Variants in ACTG2 observed in about 807,000 individuals in gnomAD.
ACTG2 encodes the protein actin gamma 2, smooth muscle, also known as actin, gamma-enteric smooth muscle.
A neutral mutation model predicts 37.6 loss-of-function variants in ACTG2; 16 were observed. That is an observed-to-expected ratio of 0.43 (90% CI 0.29 to 0.65). The LOEUF (loss-of-function observed/expected upper bound fraction) is 0.65, where lower values mean the gene tolerates loss of function less well. Ranked by LOEUF, ACTG2 falls within the 30% of genes least tolerant of loss-of-function variation. ACTG2 has a pLI of 0.18. For synonymous variants in ACTG2, 181 were observed against 179.9 expected, an observed-to-expected ratio of 1.01 and a Z score of -0.05; for missense variants, 238 against 490.9, an observed-to-expected ratio of 0.48 and a Z score of 4.87.
chr2:73,902,834 T>G, intron 3 of ACTG2: 1 of 1,445,786 alleles, frequency 6.9e-7, no homozygotes, highest in Non-Finnish European at 9.3e-7. Context: ...AGGGGGTTCC[T>G]AACTCCCCGT....
chr2:73,898,802 CTT>C (rs1165118275), intron 1 of ACTG2, among the ~76,000 whole-genome samples: 1 of 93,008 alleles, frequency 1.1e-5, no homozygotes, highest in Admixed American at 1.0e-4. Context: ...TTTTTTTTTT[CTT>C]TTTTTTTTTT....
At position 73,919,621 on chromosome 2, in the gene ACTG2, C is replaced by A; in HGVS notation, c.*46C>A. ...GGATCCCCTCGAGACTACTCTGTTA[C>A]CAGTCATGAAACATTAAAACCTACA... On this transcript the variant is annotated 3_prime_UTR_variant, in exon 9 of 9. Coordinates refer to ENST00000345517, the MANE Select transcript of ACTG2 (RefSeq NM_001615.4). 6.3e-7 allele frequency: 1 copy of A among 1,592,276 alleles called. No homozygotes were observed. The highest frequency in any genetic ancestry group is 1.1e-5 in the South Asian group (1 of 88,332).
intron 1 of ACTG2, among the ~76,000 whole-genome samples, chr2:73,897,688 A>C (rs539436892): frequency 6.6e-6 from 1 of 152,336 alleles, no homozygotes; most frequent in East Asian, 1.9e-4. Context: ...AGACTGGGTT[A>C]TTTATAAACA....
chr2:73,904,777 G>GTATATATATATATATA (rs199782884), intron 3 of ACTG2, among the ~76,000 whole-genome samples: 5 of 42,634 alleles, frequency 1.2e-4, no homozygotes, highest in South Asian at 1.0e-3. Context: ...GTGTGTGTGT[G>GTATATATATATATATA]TATATATATA....
At chr2:73,918,575 C>T (rs1680319046) in intron 8 of ACTG2, among the ~76,000 whole-genome samples, 1 of 152,184 alleles carries the variant, frequency 6.6e-6, no homozygotes, top group Non-Finnish European at 1.5e-5. Context: ...TTAGACCCTT[C>T]CAAAACTGGA....
chr2:73,906,359 G>A (rs1028533722), intron 3 of ACTG2, among the ~76,000 whole-genome samples: 31 of 152,208 alleles, frequency 2.0e-4, no homozygotes, highest in African/African-American at 7.5e-4. Context: ...GCTGACGCAG[G>A]AGAATGCCGT....
intron 3 of ACTG2, among the ~76,000 whole-genome samples, chr2:73,907,409 A>T (rs900818003): frequency 4.0e-5 from 6 of 151,750 alleles, no homozygotes; most frequent in Admixed American, 3.3e-4. Flanking sequence ...CCTCTGAAAG[A>T]CTCCTTTTTG....
At chr2:73,896,361 A>T (rs1018615731) in intron 1 of ACTG2, among the ~76,000 whole-genome samples, 1 of 152,038 alleles carries the variant, frequency 6.6e-6, no homozygotes, top group African/African-American at 2.4e-5. Context: ...AAAAAAAAAA[A>T]AAAAGAAAAA....
At position 73,919,662 on chromosome 2, in the gene ACTG2, T is replaced by C. The variant is rs1680338696; in HGVS notation, c.*87T>C. On this transcript the variant is annotated 3_prime_UTR_variant, in exon 9 of 9. Coordinates refer to ENST00000345517, the MANE Select transcript of ACTG2 (RefSeq NM_001615.4). The stretch of plus-strand genomic sequence containing the variant: ...AAAACCTACAAGCCTTACTTCTCTG[T>C]GTGGGGCTCTTTTTTCCTGGGCTAT... The C allele has an allele frequency of 6.8e-7, 1 of 1,461,152 alleles. No homozygotes were observed. Among genetic ancestry groups the C allele is most frequent in the African/African-American group, 1.4e-5 (1 of 70,766 alleles). The allele number at this position is 1,461,152 out of a possible 1,614,324, so 90.5% of individuals were successfully genotyped here. A position where few individuals can be genotyped will look rare whatever the true frequency, so the allele number is the denominator to read the frequency against.
intron 1 of ACTG2, among the ~76,000 whole-genome samples, chr2:73,893,337 A>G (rs1279590087): frequency 1.3e-5 from 2 of 151,376 alleles, no homozygotes; most frequent in African/African-American, 4.9e-5. Flanking sequence ...CCTGCTCCCC[A>G]GGGCCAGTGC....
chr2:73,916,705 C>A lies in ACTG2; in HGVS notation c.927C>A (p.Gly309=), dbSNP rs550983677. ...VLSGGTTMYP[G]IADRMQKEIT... is the part of the protein sequence containing the mutation. ...CTGGGGGCACCACCATGTACCCTGG[C>A]ATTGCTGACAGGATGCAGAAGGAGA... Residue 309 remains glycine, a synonymous_variant, in exon 8 of 9, where the codon GGC becomes GGA. Coordinates refer to ENST00000345517, the MANE Select transcript of ACTG2 (RefSeq NM_001615.4). 6.2e-7 allele frequency: 1 copy of A among 1,614,154 alleles called. No homozygotes were observed. Among genetic ancestry groups the A allele is most frequent in the South Asian group, 1.1e-5 (1 of 91,076 alleles).
chr2:73,907,419 G>T (rs1335121934), intron 3 of ACTG2, among the ~76,000 whole-genome samples: 1 of 152,094 alleles, frequency 6.6e-6, no homozygotes, highest in African/African-American at 2.4e-5. Context: ...ACTCCTTTTT[G>T]GTCGTACTTG....
chr2:73,914,918 G>T (rs371545585), intron 7 of ACTG2, 47 bp downstream of exon 7: 46 of 1,450,000 alleles, frequency 3.2e-5, no homozygotes, highest in Non-Finnish European at 4.0e-5. Flanking sequence ...GGGGAGGGTG[G>T]AGGAGTGGGT....
At chr2:73,913,688 A>T in intron 6 of ACTG2, 42 bp downstream of exon 6, 1 of 1,555,080 alleles carries the variant, frequency 6.4e-7, no homozygotes, top group Non-Finnish European at 8.8e-7. Context: ...GCTCAGAACC[A>T]ATCTGGTTTA....
chr2:73,902,738 C>G (rs772407613), intron 3 of ACTG2: 3 of 1,551,032 alleles, frequency 1.9e-6, no homozygotes, highest in Non-Finnish European at 2.6e-6. Context: ...ATTCTCTACA[C>G]TGCTGCAAAA....
At chr2:73,906,354 C>G (rs1408285130) in intron 3 of ACTG2, among the ~76,000 whole-genome samples, 1 of 151,780 alleles carries the variant, frequency 6.6e-6, no homozygotes, top group Admixed American at 6.6e-5. Context: ...GGGAGGCTGA[C>G]GCAGGAGAAT....
chr2:73,908,943 A>G, intron 4 of ACTG2, 112 bp from the exon 5 acceptor site: 1 of 1,263,414 alleles, frequency 7.9e-7, no homozygotes, highest in South Asian at 1.3e-5. Flanking sequence ...TGGAATAATG[A>G]ACTATCAAAC....
At chr2:73,900,016 C>A (rs1389376067) in intron 1 of ACTG2, among the ~76,000 whole-genome samples, 1 of 152,214 alleles carries the variant, frequency 6.6e-6, no homozygotes, top group African/African-American at 2.4e-5. Context: ...GGTGCTGTCT[C>A]CTCTCTGCTT....
At chr2:73,898,156 G>A (rs1679788803) in intron 1 of ACTG2, among the ~76,000 whole-genome samples, 2 of 150,932 alleles carry the variant, frequency 1.3e-5, no homozygotes, top group South Asian at 4.2e-4. Context: ...ACAGGCTGAA[G>A]CAAAAACACC....
Sources: gnomAD v4.1 joint callset for allele counts (sites outside exome capture counted in the v4.1 genomes callset) on GRCh38, gnomAD v4.1.1 for gene constraint, MANE v1.5 for transcripts, NCBI Gene and HGNC (gene_info 2026-07-23, HGNC 2026-07-21) for gene names.